The following LARS2 variants were observed in gnomAD, a reference collection of about 807,000 sequenced individuals.
The protein encoded by LARS2 is leucyl-tRNA synthetase 2, mitochondrial, also known as leucine--tRNA ligase, mitochondrial.
A neutral mutation model predicts 116.6 loss-of-function variants in LARS2; 81 were observed. The observed-to-expected ratio is 0.69, with a 90% CI of 0.58 to 0.84. The LOEUF is 0.84. Ranked by LOEUF, LARS2 falls within the 40% of genes least tolerant of loss-of-function variation. The probability of loss-of-function intolerance (pLI) is 0.00; values close to 1 mark genes in which losing one functional copy is unlikely to be tolerated. For synonymous variants in LARS2, 396 were observed against 407.2 expected, an observed-to-expected ratio of 0.97 and a Z score of 0.33; for missense variants, 968 against 1,114.5, an observed-to-expected ratio of 0.87 and a Z score of 1.87.
chr3:45,545,066 C>T (rs1700856926), intron 21 of LARS2, among the ~76,000 whole-genome samples: 1 of 152,198 alleles, frequency 6.6e-6, no homozygotes, highest in Non-Finnish European at 1.5e-5. Flanking sequence ...GTCTCTTCCA[C>T]TGCCTGGGGT....
intron 6 of LARS2, among the ~76,000 whole-genome samples, chr3:45,440,493 T>G (rs554923445): frequency 1.0e-3 from 152 of 152,352 alleles, no homozygotes; most frequent in African/African-American, 3.3e-3. Flanking sequence ...TGCTAGAAAC[T>G]GTGATGTGCA....
chr3:45,414,158 A>G (rs945213703), intron 4 of LARS2, among the ~76,000 whole-genome samples: 4 of 152,342 alleles, frequency 2.6e-5, no homozygotes, highest in Non-Finnish European at 4.4e-5. Flanking sequence ...GGCCTTTTTT[A>G]TAATGCTGAA....
At chr3:45,520,150 A>T in intron 18 of LARS2, 69 bp from the exon 19 acceptor site, 3 of 1,075,516 alleles carry the variant, frequency 2.8e-6, no homozygotes, top group Admixed American at 1.8e-5. Flanking sequence ...TTGTTTTGAT[A>T]ATTCAGTCTT....
At chr3:45,390,970 T>G (rs1697936510) in intron 1 of LARS2, among the ~76,000 whole-genome samples, 1 of 152,224 alleles carries the variant, frequency 6.6e-6, no homozygotes, top group African/African-American at 2.4e-5. Flanking sequence ...CGATTTTTAG[T>G]GTTTCTTTTC....
At chr3:45,395,932 A>G (rs1019817662) in intron 3 of LARS2, among the ~76,000 whole-genome samples, 10 of 152,264 alleles carry the variant, frequency 6.6e-5, no homozygotes, top group Non-Finnish European at 1.5e-4. Flanking sequence ...TTAGGAAGTG[A>G]AAAGCCCTTG....
chr3:45,474,163 C>T lies in LARS2; in HGVS notation c.751-80C>T, dbSNP rs1699575406. On this transcript the variant is annotated intron_variant, in intron 8 of 21. Transcript: ENST00000645846. ...TCTTTAGTGTCCCTGCTTTTCCTACCTTAACAAGCTGCAAATCATTTGCTT... is the reference window on the plus strand; with the variant it reads ...TCTTTAGTGTCCCTGCTTTTCCTACTTTAACAAGCTGCAAATCATTTGCTT... 13 of 853,932 alleles carry T rather than the reference C, an allele frequency of 1.5e-5. No homozygotes were observed. The South Asian group carries it at 2.1e-4, about 14-fold the overall frequency. 52.9% of individuals were successfully genotyped at this position (853,932 alleles called of 1,614,324 possible).
At chr3:45,494,140 C>T (rs1415719992) in intron 13 of LARS2, among the ~76,000 whole-genome samples, 1 of 152,140 alleles carries the variant, frequency 6.6e-6, no homozygotes, top group East Asian at 1.9e-4. Flanking sequence ...TAGAGACCAC[C>T]ACTGTTCTCA....
At chr3:45,491,097 T>C (rs1413024307) in intron 12 of LARS2, among the ~76,000 whole-genome samples, 1 of 152,194 alleles carries the variant, frequency 6.6e-6, no homozygotes, top group African/African-American at 2.4e-5. Flanking sequence ...AAAGCTGATA[T>C]TTGATGATCT....
intron 13 of LARS2, among the ~76,000 whole-genome samples, chr3:45,494,208 G>A (rs568474086): frequency 3.2e-4 from 48 of 152,260 alleles, no homozygotes; most frequent in South Asian, 1.0e-3. Context: ...GATCTAGGGC[G>A]CCCATGCTCT....
intron 6 of LARS2, among the ~76,000 whole-genome samples, chr3:45,433,903 C>G (rs925690208): frequency 6.6e-6 from 1 of 152,126 alleles, no homozygotes. Flanking sequence ...TCTTTTAGTA[C>G]TTGAAAAATG....
intron 8 of LARS2, among the ~76,000 whole-genome samples, chr3:45,470,290 A>G (rs1012681821): frequency 1.3e-5 from 2 of 152,194 alleles, no homozygotes; most frequent in Non-Finnish European, 2.9e-5. Flanking sequence ...TAGCCGCGTT[A>G]TATTTAATCC....
At chr3:45,454,373 T>C (rs578067796) in intron 7 of LARS2, among the ~76,000 whole-genome samples, 3 of 152,260 alleles carry the variant, frequency 2.0e-5, no homozygotes, top group Admixed American at 6.5e-5. Context: ...CCTAAATGCT[T>C]CCCACAGATC....
At chr3:45,510,201 T>C in intron 15 of LARS2, among the ~76,000 whole-genome samples, 1 of 151,960 alleles carries the variant, frequency 6.6e-6, no homozygotes, top group East Asian at 1.9e-4. Context: ...TTGCTTGAGC[T>C]CAGGAGTTCA....
At chr3:45,471,498 G>T (rs1406762275) in intron 8 of LARS2, among the ~76,000 whole-genome samples, 1 of 152,200 alleles carries the variant, frequency 6.6e-6, no homozygotes, top group African/African-American at 2.4e-5. Context: ...TCCATAAGAA[G>T]TTTCCCAGCC....
At position 45,547,448 on chromosome 3, in the gene LARS2, T is replaced by A; in HGVS notation, c.2630T>A (p.Val877Asp). 6.2e-7 allele frequency: 1 copy of A among 1,613,658 alleles called. No individual in the cohort carries two copies. Among genetic ancestry groups the A allele is most frequent in the Non-Finnish European group, 8.5e-7 (1 of 1,179,850 alleles). Residue 877 changes from valine to aspartate, a missense_variant, in exon 22 of 22, where the codon GTC (valine) becomes GAC (aspartate). By Grantham distance (152) the Val-to-Asp change is radical. Coordinates refer to ENST00000645846, the MANE Select transcript of LARS2 (RefSeq NM_015340.4). ...TTTGTTCTTCAAAGCGAGCTGGGTG[T>A]CAGGCTTTTGCAAGGACGAAGCATC... ...HEFVLQSELG[V>D]RLLQGRSIKK...
intron 20 of LARS2, among the ~76,000 whole-genome samples, chr3:45,532,301 G>C (rs1700626817): frequency 1.3e-5 from 2 of 152,166 alleles, no homozygotes. Context: ...TATTAGGAAT[G>C]GGAGTTATAT....
chr3:45,543,631 T>G (rs528544859), intron 21 of LARS2, among the ~76,000 whole-genome samples: 1 of 152,000 alleles, frequency 6.6e-6, no homozygotes, highest in Non-Finnish European at 1.5e-5. Context: ...GCCCAGCTAA[T>G]TTTTGTATTT....
chr3:45,489,677 G>A (rs914311270), intron 12 of LARS2, among the ~76,000 whole-genome samples: 2 of 152,196 alleles, frequency 1.3e-5, no homozygotes, highest in African/African-American at 4.8e-5. Context: ...ATGCACATTA[G>A]AAGTTTGAGA....
chr3:45,499,461 A>G (rs1700081952), intron 14 of LARS2, among the ~76,000 whole-genome samples: 1 of 152,082 alleles, frequency 6.6e-6, no homozygotes, highest in African/African-American at 2.4e-5. Context: ...ATTAAAAAAA[A>G]AAAAGAAAAA....
Sources: gnomAD v4.1 joint callset for allele counts (sites outside exome capture counted in the v4.1 genomes callset) on GRCh38, gnomAD v4.1.1 for gene constraint, MANE v1.5 for transcripts, NCBI Gene and HGNC (gene_info 2026-07-23, HGNC 2026-07-21) for gene names.